Variants in MAP3K9 observed in about 807,000 individuals in gnomAD.
MAP3K9 encodes the protein mixed lineage kinase 1 (tyr and ser/thr specificity).
In MAP3K9, 46 loss-of-function variants were observed where a neutral mutation model predicts 95.8. The observed-to-expected ratio is 0.48, with a 90% confidence interval of 0.38 to 0.61. The LOEUF (loss-of-function observed/expected upper bound fraction) is 0.61, where lower values mean the gene tolerates loss of function less well. Ranked by LOEUF, MAP3K9 falls within the 20% of genes least tolerant of loss-of-function variation. MAP3K9 has a pLI of 0.00. For missense variants in MAP3K9, 1,296 were observed against 1,474.3 expected (o/e 0.88, Z 1.98); for synonymous variants, 533 against 593.8 (o/e 0.90, Z 1.49).
intron 2 of MAP3K9, among the ~76,000 whole-genome samples, chr14:70,761,843 T>C (rs1199967786): frequency 6.6e-6 from 1 of 152,232 alleles, no homozygotes; most frequent in East Asian, 1.9e-4. Flanking sequence ...GTTGTACAAC[T>C]ACCACCTGTC....
At chr14:70,799,836 G>T (rs763447883) in intron 2 of MAP3K9, among the ~76,000 whole-genome samples, 1 of 152,110 alleles carries the variant, frequency 6.6e-6, no homozygotes, top group Non-Finnish European at 1.5e-5. Context: ...TCCTCTCTGG[G>T]ACAGGATGCT....
intron 2 of MAP3K9, among the ~76,000 whole-genome samples, chr14:70,763,197 A>C (rs991759102): frequency 7.2e-5 from 11 of 152,350 alleles, no homozygotes; most frequent in African/African-American, 2.4e-4. Context: ...AATTTTGGTG[A>C]AGTCCATAAG....
At chr14:70,767,294 G>T (rs1418228054) in intron 2 of MAP3K9, among the ~76,000 whole-genome samples, 1 of 149,988 alleles carries the variant, frequency 6.7e-6, no homozygotes, top group Non-Finnish European at 1.5e-5. Context: ...TGAGGCAGGA[G>T]AATTTCTTGA....
chr14:70,778,862 GATGCCT>G (rs2054635392), intron 2 of MAP3K9, among the ~76,000 whole-genome samples: 1 of 152,208 alleles, frequency 6.6e-6, no homozygotes, highest in Non-Finnish European at 1.5e-5. Context: ...TGCTCTTGAT[GATGCCT>G]TACCCTACCC....
chr14:70,739,958 C>T lies in MAP3K9; in HGVS notation c.1690+84G>A, dbSNP rs142194275. 4 of 1,614,188 alleles carry T rather than the reference C, an allele frequency of 2.5e-6. No individual in the cohort carries two copies. The African/African-American group carries it at 5.3e-5, about 22-fold the overall frequency. ...TGGCAGAAGTTATGGATGGAGCAAGCCTGGACCAGTCGGTGGCTGGACAGA... is the reference window on the plus strand; with the variant it reads ...TGGCAGAAGTTATGGATGGAGCAAGTCTGGACCAGTCGGTGGCTGGACAGA... On this transcript the variant is annotated intron_variant, in intron 7 of 11. Coordinates refer to ENST00000554752, the MANE Select transcript of MAP3K9 (RefSeq NM_001284230.2).
intron 2 of MAP3K9, among the ~76,000 whole-genome samples, chr14:70,782,481 C>A (rs2054692964): frequency 6.6e-6 from 1 of 152,156 alleles, no homozygotes; most frequent in South Asian, 2.1e-4. Flanking sequence ...CACCTTCATC[C>A]CATCACCTTG....
At position 70,800,770 on chromosome 14, in the gene MAP3K9, T is replaced by C; in HGVS notation, c.717A>G (p.Pro239=). Residue 239 remains proline (P), a synonymous_variant, in exon 2 of 12, where the codon CCA becomes CCG. Transcript: ENST00000554752. ...NRVLSGKRIP[P]DILVNWAVQI... ...GCACAGCCCAATTCACCAGGATGTC[T>C]GGGGGAATCCTTTTCCCAGATAACA... 2 of 1,614,214 alleles carry C rather than the reference T, an allele frequency of 1.2e-6. No homozygotes were observed. The highest frequency in any genetic ancestry group is 2.2e-5 in the East Asian group (1 of 44,888).
intron 1 of MAP3K9, among the ~76,000 whole-genome samples, chr14:70,803,793 T>C (rs959452986): frequency 6.6e-6 from 1 of 152,224 alleles, no homozygotes; most frequent in East Asian, 1.9e-4. Flanking sequence ...TGGCAGAACA[T>C]TGTAGACTAG....
intron 3 of MAP3K9, 134 bp downstream of exon 3, chr14:70,760,868 G>T: frequency 2.4e-6 from 2 of 838,420 alleles, no homozygotes; most frequent in Non-Finnish European, 3.7e-6. Flanking sequence ...TGGCATAGAT[G>T]ACTCTTGGGG....
intron 2 of MAP3K9, among the ~76,000 whole-genome samples, chr14:70,796,307 C>T (rs2139851401): frequency 6.6e-6 from 1 of 152,148 alleles, no homozygotes; most frequent in East Asian, 1.9e-4. Flanking sequence ...GGGCGTGATG[C>T]TTAAGTTAAT....
chr14:70,770,571 C>T (rs1594793772), intron 2 of MAP3K9, among the ~76,000 whole-genome samples: 1 of 152,160 alleles, frequency 6.6e-6, no homozygotes, highest in East Asian at 1.9e-4. Context: ...TAAAATGCGT[C>T]TATCCATCAG....
intron 2 of MAP3K9, among the ~76,000 whole-genome samples, chr14:70,787,635 A>C (rs189556022): frequency 2.2e-4 from 34 of 152,298 alleles, no homozygotes; most frequent in African/African-American, 8.2e-4. Context: ...GGCAATTCCA[A>C]AGACACACAT....
At chr14:70,735,871 C>T in intron 9 of MAP3K9, 90 bp downstream of exon 9, 2 of 1,047,656 alleles carry the variant, frequency 1.9e-6, no homozygotes, top group Non-Finnish European at 3.0e-6. Context: ...AATAACGAGG[C>T]TTGATTCTAT....
chr14:70,787,824 A>G (rs1405888024), intron 2 of MAP3K9, among the ~76,000 whole-genome samples: 1 of 152,222 alleles, frequency 6.6e-6, no homozygotes, highest in Non-Finnish European at 1.5e-5. Flanking sequence ...AAAACACACA[A>G]ACAAAACAAG....
chr14:70,791,357 C>T (rs2054805168), intron 2 of MAP3K9, among the ~76,000 whole-genome samples: 1 of 152,172 alleles, frequency 6.6e-6, no homozygotes, highest in African/African-American at 2.4e-5. Context: ...TTAAAAGTTG[C>T]CTGGTGTCCT....
chr14:70,783,097 T>TCTCC, intron 2 of MAP3K9: 1 of 181,974 alleles, frequency 5.5e-6, no homozygotes, highest in Non-Finnish European at 1.0e-5. Context: ...GGAAGGTCAT[T>TCTCC]ATCCCAGTCT....
intron 2 of MAP3K9, among the ~76,000 whole-genome samples, chr14:70,782,288 T>C (rs1455721590): frequency 6.6e-6 from 1 of 152,220 alleles, no homozygotes; most frequent in Non-Finnish European, 1.5e-5. Context: ...ATGTATGCAA[T>C]AGCAGGCACG....
chr14:70,784,615 C>T (rs1474242317), intron 2 of MAP3K9, among the ~76,000 whole-genome samples: 2 of 151,926 alleles, frequency 1.3e-5, no homozygotes, highest in African/African-American at 2.4e-5. Flanking sequence ...TGGTGGCAGG[C>T]GTCAGTAATC....
At chr14:70,749,122 G>C in intron 4 of MAP3K9, 118 bp from the exon 5 acceptor site, 3 of 990,420 alleles carry the variant, frequency 3.0e-6, no homozygotes, top group Non-Finnish European at 4.4e-6. Context: ...TCCAGAAACA[G>C]AGATCAGAAT....
Sources: gnomAD v4.1 joint callset for allele counts (sites outside exome capture counted in the v4.1 genomes callset) on GRCh38, gnomAD v4.1.1 for gene constraint, MANE v1.5 for transcripts, NCBI Gene and HGNC (gene_info 2026-07-23, HGNC 2026-07-21) for gene names.